TRIM2: variants seen among roughly 807,000 people sequenced by gnomAD.
TRIM2 encodes the protein tripartite motif-containing protein 2.
A neutral mutation model predicts 75.2 loss-of-function variants in TRIM2; 20 were observed. The observed-to-expected ratio is 0.27, with a 90% CI of 0.19 to 0.39. TRIM2 has a LOEUF of 0.39. TRIM2 is among the 10% of genes least tolerant of loss of function. The pLI is 1.00. For missense variants in TRIM2, 660 were observed against 990.8 expected, an observed-to-expected ratio of 0.67 and a Z score of 4.48; for synonymous variants, 373 against 388.3, an observed-to-expected ratio of 0.96 and a Z score of 0.46.
At chr4:153,193,288 C>T (rs28385566) in intron 1 of TRIM2, among the ~76,000 whole-genome samples, 4,366 of 151,894 alleles carry the variant, frequency 0.029, 195 homozygotes, top group African/African-American at 0.097. Flanking sequence ...CCTGCCACCA[C>T]GCCAGGCTAA....
At chr4:153,185,390 T>A (rs184456793) in intron 1 of TRIM2, among the ~76,000 whole-genome samples, 24 of 152,280 alleles carry the variant, frequency 1.6e-4, no homozygotes, top group African/African-American at 5.8e-4. Flanking sequence ...TTGGCCTTTT[T>A]ACACCATGTT....
At position 153,244,164 on chromosome 4, in the gene TRIM2, TCTTCTTCTTCTTCTTCTCCTC is replaced by T. The variant is rs1257934508; in HGVS notation, c.31-26159_31-26139del. Among the ~76,000 whole-genome samples, 29 of 144,848 alleles carry T rather than the reference TCTTCTTCTTCTTCTTCTCCTC, an allele frequency of 2.0e-4. 3 individuals carry two copies. The highest frequency in any genetic ancestry group is 7.4e-4 in the African/African-American group (27 of 36,414). Reference sequence around the variant, plus strand: ...TTCTTGTTCTTCTTGTTCTTCTTCTTCTTCTTCTTCTTCTTCTCCTCCTTCTTCTTCTCCTCCTTTTCCTTC... The same window carrying T: ...TTCTTGTTCTTCTTGTTCTTCTTCTTCTTCTTCTTCTCCTCCTTTTCCTTC... On this transcript the variant is annotated intron_variant, in intron 1 of 11. Transcript: ENST00000338700.
chr4:153,291,315 C>CGAA (rs1761801729), intron 3 of TRIM2, among the ~76,000 whole-genome samples: 1 of 152,134 alleles, frequency 6.6e-6, no homozygotes, highest in African/African-American at 2.4e-5. Context: ...CTTGGTTGGT[C>CGAA]TTACACATGC....
At chr4:153,228,232 G>T (rs534881115) in intron 1 of TRIM2, among the ~76,000 whole-genome samples, 1 of 152,218 alleles carries the variant, frequency 6.6e-6, no homozygotes, top group South Asian at 2.1e-4. Flanking sequence ...TTCCAAGTAT[G>T]AATCATCCTT....
chr4:153,284,310 C>T (rs1318333173), intron 3 of TRIM2, among the ~76,000 whole-genome samples: 1 of 152,000 alleles, frequency 6.6e-6, no homozygotes, highest in Non-Finnish European at 1.5e-5. Flanking sequence ...GAGTGATTCT[C>T]CTGCCTCAGC....
At chr4:153,167,403 C>T (rs892454333) in intron 1 of TRIM2, among the ~76,000 whole-genome samples, 25 of 152,222 alleles carry the variant, frequency 1.6e-4, no homozygotes, top group African/African-American at 6.0e-4. Context: ...ACAAATAACC[C>T]ATTGAAAAAC....
intron 1 of TRIM2, chr4:153,153,286 C>T (rs2149580288): frequency 1.3e-5 from 2 of 152,372 alleles, no homozygotes; most frequent in South Asian, 4.1e-4. Context: ...TATCTGTGTC[C>T]CCCGCGCTGC....
intron 2 of TRIM2, among the ~76,000 whole-genome samples, chr4:153,273,442 A>ATTTTT (rs11459214): frequency 0.011 from 819 of 77,586 alleles, 44 homozygotes; most frequent in African/African-American, 0.059. Flanking sequence ...CGCCCGGCTA[A>ATTTTT]TTTTTTTTTT....
At position 153,266,196 on chromosome 4, in the gene TRIM2, C is replaced by T. The variant is rs182884823; in HGVS notation, c.31-4139C>T. 2.5e-3 allele frequency among the ~76,000 whole-genome samples: 385 copies of T among 152,242 alleles called. 3 individuals carry two copies. Among genetic ancestry groups the T allele is most frequent in the African/African-American group, 8.8e-3 (364 of 41,520 alleles). The stretch of plus-strand genomic sequence containing the variant: ...ATTATTTTATTTTGAGCCAGAGTCT[C>T]ACTCTGTGAGTGCCCCAGGCTGGAG... On this transcript the variant is annotated intron_variant, in intron 1 of 11. Transcript: ENST00000338700.
At position 153,295,237 on chromosome 4, in the gene TRIM2, C is replaced by T. The variant is rs1762539126; in HGVS notation, c.787-76C>T. The T allele has an allele frequency of 1.4e-6, 2 of 1,457,482 alleles. No homozygotes were observed. The highest frequency in any genetic ancestry group is 2.8e-5 in the Admixed American group (1 of 36,266). The allele number at this position is 1,457,482 out of a possible 1,614,324, so 90.3% of individuals were successfully genotyped here. A position where few individuals can be genotyped will look rare whatever the true frequency, so the allele number is the denominator to read the frequency against. Reference sequence around the variant, plus strand: ...GTGGGCAGGTGTAGAGTCTCCTTCTCGCCGGTGGAGGGCACTGCCCCGGGC... The same window carrying T: ...GTGGGCAGGTGTAGAGTCTCCTTCTTGCCGGTGGAGGGCACTGCCCCGGGC... On this transcript the variant is annotated intron_variant, in intron 5 of 11. Transcript: ENST00000338700. The surrounding 1 kb of genome is among the most constrained non-coding windows in gnomAD (Gnocchi z 7.2).
At chr4:153,304,195 T>C (rs1250905140) in intron 6 of TRIM2, among the ~76,000 whole-genome samples, 1 of 152,038 alleles carries the variant, frequency 6.6e-6, no homozygotes, top group Non-Finnish European at 1.5e-5. Context: ...CTCACTTTAA[T>C]CTCCACCTCC....
intron 3 of TRIM2, among the ~76,000 whole-genome samples, chr4:153,282,545 C>T (rs1759575212): frequency 6.6e-6 from 1 of 152,090 alleles, no homozygotes; most frequent in African/African-American, 2.4e-5. Context: ...TAAATAAATA[C>T]ATAAATACAA....
chr4:153,325,825 A>T (rs911035333), intron 10 of TRIM2, among the ~76,000 whole-genome samples: 1 of 152,214 alleles, frequency 6.6e-6, no homozygotes, highest in South Asian at 2.1e-4. Context: ...TGCTCCAGGC[A>T]ACCTCTAAGA....
At chr4:153,247,657 A>G in intron 1 of TRIM2, among the ~76,000 whole-genome samples, 1 of 133,748 alleles carries the variant, frequency 7.5e-6, no homozygotes, top group East Asian at 2.2e-4. Context: ...CAGCCTGGGA[A>G]ACAGAGTGAG....
At chr4:153,195,524 A>C (rs1733676045) in intron 1 of TRIM2, among the ~76,000 whole-genome samples, 1 of 152,034 alleles carries the variant, frequency 6.6e-6, no homozygotes, top group Admixed American at 6.5e-5. Flanking sequence ...TCAAAAGAAA[A>C]AAAGAAAAAG....
At chr4:153,324,684 G>C (rs959516285) in intron 10 of TRIM2, among the ~76,000 whole-genome samples, 16 of 152,122 alleles carry the variant, frequency 1.1e-4, no homozygotes, top group African/African-American at 3.9e-4. Flanking sequence ...TACCAGGGGA[G>C]AGAGAATTGA....
intron 3 of TRIM2, among the ~76,000 whole-genome samples, chr4:153,283,578 G>A (rs544857573): frequency 8.0e-4 from 122 of 152,144 alleles, no homozygotes; most frequent in Admixed American, 2.0e-3. Context: ...CCTAAAAGTG[G>A]AATTGCTAGA....
chr4:153,290,581 G>T (rs969369901), intron 3 of TRIM2, among the ~76,000 whole-genome samples: 1 of 152,148 alleles, frequency 6.6e-6, no homozygotes, highest in Non-Finnish European at 1.5e-5. Context: ...TGGGATATTT[G>T]AATTTTCATT....
chr4:153,251,417 G>A (rs1356284636), intron 1 of TRIM2, among the ~76,000 whole-genome samples: 1 of 152,240 alleles, frequency 6.6e-6, no homozygotes, highest in African/African-American at 2.4e-5. Context: ...AGTTGCTCAT[G>A]ACTGAACTGA....
Sources: gnomAD v4.1 joint callset for allele counts (sites outside exome capture counted in the v4.1 genomes callset) on GRCh38, gnomAD v4.1.1 for gene constraint, Gnocchi (gnomAD v3.1) non-coding constraint, MANE v1.5 for transcripts, NCBI Gene and HGNC (gene_info 2026-07-23, HGNC 2026-07-21) for gene names.